OCRL: variants seen among roughly 807,000 people sequenced by gnomAD.
OCRL encodes inositol polyphosphate 5-phosphatase OCRL.
Under a neutral mutation model 78.9 loss-of-function variants are expected in OCRL, and 8 were observed. The ratio of observed to expected loss-of-function variants is 0.10; its 90% confidence interval spans 0.06 to 0.18. OCRL has a LOEUF of 0.18. OCRL is among the 10% of genes least tolerant of loss of function. OCRL has a pLI of 1.00. For synonymous variants in OCRL, 240 were observed against 235.4 expected (o/e 1.02, Z -0.18); for missense variants, 454 against 696.7 (o/e 0.65, Z 3.92).
At chrX:129,587,645 T>G (rs1041713144) in intron 20 of OCRL, among the ~76,000 whole-genome samples, 1 of 110,727 alleles carries the variant, frequency 9.0e-6, no homozygotes, top group African/African-American at 3.3e-5. Context: ...CAAGGTTTAG[T>G]ATGAGCATGC....
chrX:129,542,216 A>G (rs1935814824), intron 2 of OCRL, among the ~76,000 whole-genome samples: 1 of 103,888 alleles, frequency 9.6e-6, no homozygotes, highest in Admixed American at 1.1e-4. Flanking sequence ...TAGATTTGGA[A>G]CTCTGTTGAG....
intron 4 of OCRL, among the ~76,000 whole-genome samples, chrX:129,557,038 G>C (rs761737573): frequency 2.9e-4 from 32 of 111,424 alleles, no homozygotes; most frequent in Non-Finnish European, 4.9e-4. Context: ...AGATCAGAAC[G>C]CAGGAAAGTA....
chrX:129,547,328 A>G (rs1935895618), intron 3 of OCRL, among the ~76,000 whole-genome samples: 1 of 110,032 alleles, frequency 9.1e-6, no homozygotes, highest in African/African-American at 3.3e-5. Flanking sequence ...GATTGAGACC[A>G]TCCTGGCTAA....
At chrX:129,561,121 G>C in intron 9 of OCRL, 58 bp from the exon 10 acceptor site, 3 of 742,371 alleles carry the variant, frequency 4.0e-6, no homozygotes, top group Non-Finnish European at 6.4e-6. Context: ...TATGGGACAG[G>C]AGGTAGCCAG....
At chrX:129,541,454 T>G in intron 2 of OCRL, among the ~76,000 whole-genome samples, 1 of 111,993 alleles carries the variant, frequency 8.9e-6, no homozygotes, top group Admixed American at 9.4e-5. Flanking sequence ...GAAATGACAG[T>G]ATTTTATCAG....
Position 129,562,428 on chromosome X carries a change from C to A in OCRL, c.984C>A (p.Ala328=), listed in dbSNP as rs1197707943. ...TTGGGATGATGCTTCTTATATTTGC[C>A]AGAAAGGATCAGTGTCGATACATTC... ...RLVGMMLLIF[A]RKDQCRYIRD... The change falls in exon 11 of 24, where the codon GCC becomes GCA. Residue 328 remains alanine, a synonymous_variant. Coordinates refer to ENST00000371113, the MANE Select transcript of OCRL (RefSeq NM_000276.4). The A allele has an allele frequency of 5.0e-6, 6 of 1,209,174 alleles. No individual in the cohort carries two copies. The African/African-American group carries it at 1.1e-4, about 21-fold the overall frequency.
Position 129,569,303 on chromosome X carries a change from T to C in OCRL, c.1506T>C (p.Leu502=), listed in dbSNP as rs145936187. ...CRVPAWCDRI[L]WRGTNVNQLN... ...TTCCAGCCTGGTGTGACCGAATTCT[T>C]TGGAGAGGAACAAATGTTAATCAGC... Residue 502 remains leucine, a synonymous_variant, in exon 15 of 24, where the codon CTT becomes CTC. Coordinates refer to ENST00000371113, the MANE Select transcript of OCRL (RefSeq NM_000276.4). 3.0e-5 allele frequency: 36 copies of C among 1,209,724 alleles called. No homozygotes were observed. The African/African-American group carries it at 5.9e-4, about 20-fold the overall frequency.
chrX:129,567,379 C>G lies in OCRL; in HGVS notation c.1466+16C>G. ...GGGATTCCAGGTAAAGTAATAAGAA[C>G]CTTCTCACAGAGAAGGTTAAGGCTT... On this transcript the variant is annotated intron_variant, in intron 14 of 23. Transcript: ENST00000371113. The G allele has an allele frequency of 9.4e-7, 1 of 1,062,247 alleles. No homozygotes were observed. The highest frequency in any genetic ancestry group is 3.0e-5 in the East Asian group (1 of 33,247). The allele number at this position is 1,062,247 out of a possible 1,213,427, so 87.5% of individuals were successfully genotyped here.
At position 129,573,282 on chromosome X, in the gene OCRL, G is replaced by A. The variant is rs752561000; in HGVS notation, c.1603-1858G>A. On this transcript the variant is annotated intron_variant, in intron 15 of 23. Coordinates refer to ENST00000371113, the MANE Select transcript of OCRL (RefSeq NM_000276.4). ...GCAGAACGTATAGGCTTGTTACATAGGTATGTGTGCCATGTTGGTTTGCTG... is the reference window on the plus strand; with the variant it reads ...GCAGAACGTATAGGCTTGTTACATAAGTATGTGTGCCATGTTGGTTTGCTG... 1.2e-4 allele frequency among the ~76,000 whole-genome samples: 13 copies of A among 111,657 alleles called. No individual in the cohort carries two copies. The South Asian group carries it at 4.9e-3, about 42-fold the overall frequency.
intron 15 of OCRL, among the ~76,000 whole-genome samples, chrX:129,571,042 TAGG>T (rs1049013860): frequency 1.8e-5 from 2 of 112,261 alleles, no homozygotes; most frequent in African/African-American, 3.2e-5. Flanking sequence ...AGCATTCAAC[TAGG>T]AGGAGAGCTG....
intron 15 of OCRL, among the ~76,000 whole-genome samples, chrX:129,571,210 TTTC>T (rs1449979701): frequency 1.8e-5 from 2 of 111,545 alleles, no homozygotes; most frequent in African/African-American, 6.5e-5. Context: ...GCTGCCCCTT[TTTC>T]TTCATTTGAA....
At chrX:129,545,981 T>C (rs772096405) in intron 3 of OCRL, among the ~76,000 whole-genome samples, 3 of 111,832 alleles carry the variant, frequency 2.7e-5, no homozygotes, top group Non-Finnish European at 5.6e-5. Context: ...CCAAAAGTGC[T>C]GGGATTACAG....
chrX:129,580,817 A>C (rs1936429189), intron 18 of OCRL, among the ~76,000 whole-genome samples: 1 of 112,200 alleles, frequency 8.9e-6, no homozygotes. Flanking sequence ...TCTCTATTTC[A>C]TATGAACTAA....
chrX:129,554,689 T>C (rs993818168), intron 4 of OCRL, among the ~76,000 whole-genome samples: 29 of 111,647 alleles, frequency 2.6e-4, no homozygotes, highest in African/African-American at 9.1e-4. Context: ...CCCGGTGGCT[T>C]ACGCCTGTAA....
chrX:129,562,531 T>C, intron 11 of OCRL, 31 bp downstream of exon 11: 2 of 1,188,727 alleles, frequency 1.7e-6, no homozygotes, highest in Non-Finnish European at 2.3e-6. Context: ...GCTTGATTAT[T>C]ATTCATGTTC....
At chrX:129,542,199 G>A (rs1258539059) in intron 2 of OCRL, among the ~76,000 whole-genome samples, 1 of 108,128 alleles carries the variant, frequency 9.2e-6, no homozygotes, top group Non-Finnish European at 1.9e-5. Flanking sequence ...CTAGTCCCTC[G>A]GATTAGTAGA....
At chrX:129,572,375 T>C (rs1936313330) in intron 15 of OCRL, among the ~76,000 whole-genome samples, 1 of 113,076 alleles carries the variant, frequency 8.8e-6, no homozygotes, top group African/African-American at 3.2e-5. Context: ...TTTACTAAAA[T>C]GGATGTGTCA....
intron 18 of OCRL, among the ~76,000 whole-genome samples, chrX:129,581,831 T>TTC (rs753415077): frequency 0.056 from 3,652 of 65,472 alleles, 135 homozygotes; most frequent in East Asian, 0.21. Context: ...CCCTTTGTCT[T>TTC]TCTCTCTCTC....
chrX:129,561,345 G>A (rs1195084313), intron 10 of OCRL, 52 bp downstream of exon 10: 9 of 742,924 alleles, frequency 1.2e-5, no homozygotes, highest in Non-Finnish European at 1.9e-5. Flanking sequence ...AGGGCTCACC[G>A]GGAGTTATTC....
Sources: gnomAD v4.1 joint callset for allele counts (sites outside exome capture counted in the v4.1 genomes callset) on GRCh38, gnomAD v4.1.1 for gene constraint, MANE v1.5 for transcripts, NCBI Gene and HGNC (gene_info 2026-07-23, HGNC 2026-07-21) for gene names.